Variants in DNAJB11 observed in about 807,000 individuals in gnomAD.
DNAJB11 encodes dnaJ homolog subfamily B member 11.
In DNAJB11, 30 loss-of-function variants were observed where a neutral mutation model predicts 47.2. The observed-to-expected ratio is 0.64, with a 90% CI of 0.48 to 0.86. The LOEUF (loss-of-function observed/expected upper bound fraction) is 0.86, where lower values mean the gene tolerates loss of function less well. Among genes scored for constraint, DNAJB11 ranks in the 40% least tolerant of loss-of-function variants. The pLI, the probability that DNAJB11 is intolerant of heterozygous loss-of-function variation, is 0.00. For synonymous variants in DNAJB11, 151 were observed against 159.9 expected (o/e 0.94, Z 0.42); for missense variants, 357 against 440.2 (o/e 0.81, Z 1.69).
In DNAJB11 at chr3:186,585,358, C is replaced by G. The variant is rs762688470; in HGVS notation, c.1027C>G (p.Leu343Val). ...TCTTTCTTCAGGTATCAAACAGCTA[C>G]TGAAACAAGGGTCAGTGCAGAAGGT... ...EEAREGIKQL[L>V]KQGSVQKVYN... Residue 343 changes from leucine (L) to valine (V), a missense_variant, in exon 10 of 10, where the codon CTG becomes GTG. Leu to Val is a conservative substitution (Grantham distance 32). Transcript: ENST00000265028. 6 of 1,611,598 alleles carry G rather than the reference C, an allele frequency of 3.7e-6. No homozygotes were observed. The highest frequency in any genetic ancestry group is 5.1e-6 in the Non-Finnish European group (6 of 1,179,052).
intron 2 of DNAJB11, among the ~76,000 whole-genome samples, chr3:186,572,815 G>A (rs1715131623): frequency 6.6e-6 from 1 of 152,196 alleles, no homozygotes; most frequent in Non-Finnish European, 1.5e-5. Context: ...TTTCAAGGGA[G>A]CAGCTGTTAC....
At chr3:186,580,023 T>C (rs1280095129) in intron 4 of DNAJB11, 1 of 152,338 alleles carries the variant, frequency 6.6e-6, no homozygotes, top group East Asian at 1.9e-4. Context: ...GCAACTGACT[T>C]GTAATACTGT....
chr3:186,582,109 G>A, intron 6 of DNAJB11, 32 bp downstream of exon 6: 1 of 1,561,266 alleles, frequency 6.4e-7, no homozygotes, highest in South Asian at 1.1e-5. Context: ...TTTTGATTGT[G>A]ATAACTTTTT....
intron 8 of DNAJB11, among the ~76,000 whole-genome samples, chr3:186,584,181 G>A (rs991052806): frequency 5.9e-5 from 9 of 152,190 alleles, no homozygotes; most frequent in Non-Finnish European, 1.2e-4. Context: ...CACGGCCTTT[G>A]ACAATCTTGT....
intron 3 of DNAJB11, among the ~76,000 whole-genome samples, chr3:186,576,228 G>A (rs886885588): frequency 6.6e-6 from 1 of 152,184 alleles, no homozygotes; most frequent in African/African-American, 2.4e-5. Context: ...TTGCCTACTT[G>A]CTACCTTGCA....
At chr3:186,575,422 T>A (rs1035085603) in intron 2 of DNAJB11, among the ~76,000 whole-genome samples, 1 of 151,406 alleles carries the variant, frequency 6.6e-6, no homozygotes, top group Admixed American at 6.6e-5. Context: ...GTAGGGGGTG[T>A]TATAGACCTG....
At chr3:186,571,816 C>G (rs1207150744) in intron 1 of DNAJB11, among the ~76,000 whole-genome samples, 2 of 152,144 alleles carry the variant, frequency 1.3e-5, no homozygotes, top group Non-Finnish European at 2.9e-5. Flanking sequence ...GTTTTCTTGA[C>G]CGAAGGTGGT....
At chr3:186,575,354 T>TGCGCGCGCGTGC (rs1553850117) in intron 2 of DNAJB11, among the ~76,000 whole-genome samples, 1 of 129,440 alleles carries the variant, frequency 7.7e-6, no homozygotes, top group Non-Finnish European at 1.7e-5. Flanking sequence ...TCCTAATACA[T>TGCGCGCGCGTGC]GCGCGCGCGC....
At chr3:186,579,352 A>G (rs1325292108) in intron 4 of DNAJB11, 1 of 152,170 alleles carries the variant, frequency 6.6e-6, no homozygotes, top group African/African-American at 2.4e-5. Context: ...TTCAGTCTTC[A>G]GCTATATCCA....
rs931168185 is a variant in DNAJB11, at chr3:186,585,496, A to G, written c.*88A>G. The G allele has an allele frequency of 6.1e-6, 6 of 977,312 alleles. No homozygotes were observed. The highest frequency in any genetic ancestry group is 1.7e-5 in the African/African-American group (1 of 59,606). 60.5% of individuals were successfully genotyped at this position (977,312 alleles called of 1,614,324 possible). ...TTTTTTTGTGTGTGTTTTTGTTTTTATTTTCAATATGCAAGTTAGGCTTAA... is the reference window on the plus strand; with the variant it reads ...TTTTTTTGTGTGTGTTTTTGTTTTTGTTTTCAATATGCAAGTTAGGCTTAA... On this transcript the variant is annotated 3_prime_UTR_variant, in exon 10 of 10. Transcript: ENST00000265028.
At chr3:186,580,186 G>A (rs1393421023) in intron 4 of DNAJB11, 1 of 152,202 alleles carries the variant, frequency 6.6e-6, no homozygotes, top group Non-Finnish European at 1.5e-5. Flanking sequence ...ACTTTTTGCT[G>A]TTAGTGTGTT....
chr3:186,582,179 T>C, intron 6 of DNAJB11, 102 bp downstream of exon 6: 1 of 866,796 alleles, frequency 1.2e-6, no homozygotes, highest in Non-Finnish European at 1.9e-6. Flanking sequence ...AATGTTCACA[T>C]AGTAAACGCA....
intron 4 of DNAJB11, 31 bp from the exon 5 acceptor site, chr3:186,581,340 G>C (rs752900710): frequency 1.9e-6 from 3 of 1,611,690 alleles, no homozygotes; most frequent in Non-Finnish European, 2.5e-6. Flanking sequence ...TTACACAAGA[G>C]AGAAGCTGAT....
intron 2 of DNAJB11, 58 bp downstream of exon 2, chr3:186,572,309 C>G: frequency 6.8e-7 from 1 of 1,467,290 alleles, no homozygotes. Flanking sequence ...AAAAAACATA[C>G]AATACAGAGA....
intron 4 of DNAJB11, 149 bp downstream of exon 4, chr3:186,577,949 T>C: frequency 1.7e-6 from 1 of 581,050 alleles, no homozygotes; most frequent in Admixed American, 3.6e-5. Flanking sequence ...TAATGCTTGG[T>C]TCATGATACA....
chr3:186,577,937 TATA>T, intron 4 of DNAJB11, 137 bp downstream of exon 4: 1 of 674,140 alleles, frequency 1.5e-6, no homozygotes, highest in Non-Finnish European at 2.4e-6. Flanking sequence ...TTGAATTAAT[TATA>T]ATGCTTGGTT....
intron 7 of DNAJB11, 93 bp downstream of exon 7, chr3:186,582,866 T>A: frequency 1.2e-6 from 1 of 867,422 alleles, no homozygotes; most frequent in South Asian, 1.4e-5. Context: ...TCTCTGTTTC[T>A]TACCCTTATT....
intron 4 of DNAJB11, chr3:186,579,936 A>T (rs1715425009): frequency 6.6e-6 from 1 of 152,242 alleles, no homozygotes; most frequent in Non-Finnish European, 1.5e-5. Flanking sequence ...TGCCATCTTG[A>T]CAAGAAGCGT....
At chr3:186,576,900 G>C (rs1715318470) in intron 3 of DNAJB11, among the ~76,000 whole-genome samples, 1 of 152,176 alleles carries the variant, frequency 6.6e-6, no homozygotes, top group African/African-American at 2.4e-5. Context: ...ACCTGAGTTG[G>C]TTGGTGGGAG....
Sources: allele counts gnomAD v4.1 joint callset (sites outside exome capture counted in the v4.1 genomes callset), GRCh38; gene constraint gnomAD v4.1.1; transcripts MANE v1.5; gene names NCBI Gene and HGNC (gene_info 2026-07-23, HGNC 2026-07-21).